The following DENND1A variants were observed in gnomAD, a reference collection of about 807,000 sequenced individuals.
The protein encoded by DENND1A is DENN domain-containing protein 1A.
A neutral mutation model predicts 113.7 loss-of-function variants in DENND1A; 51 were observed. The ratio of observed to expected loss-of-function variants is 0.45; its 90% CI spans 0.36 to 0.57. The LOEUF is 0.57. Among genes scored for constraint, DENND1A ranks in the 20% least tolerant of loss-of-function variants. The pLI is 0.00. For missense variants in DENND1A, 1,258 were observed against 1,395.9 expected (o/e 0.90, Z 1.57); for synonymous variants, 565 against 570.8 (o/e 0.99, Z 0.14).
chr9:123,614,275 T>G (rs1332646910), intron 10 of DENND1A, among the ~76,000 whole-genome samples: 1 of 152,174 alleles, frequency 6.6e-6, no homozygotes, highest in Non-Finnish European at 1.5e-5. Context: ...ACTCAGTACT[T>G]AAGCTGAAAG....
intron 10 of DENND1A, among the ~76,000 whole-genome samples, chr9:123,615,227 A>G (rs1044879651): frequency 2.6e-5 from 4 of 152,248 alleles, no homozygotes; most frequent in African/African-American, 9.6e-5. Context: ...TCACCATAGC[A>G]GCATAAGGAG....
intron 8 of DENND1A, among the ~76,000 whole-genome samples, chr9:123,662,487 C>T (rs1222019904): frequency 1.3e-5 from 2 of 152,130 alleles, no homozygotes; most frequent in East Asian, 3.9e-4. Flanking sequence ...CGCTTGAGCC[C>T]AGGAGGTGGA....
Position 123,481,719 on chromosome 9 carries a change from T to C in DENND1A, c.994-23822A>G, listed in dbSNP as rs575643712. Among the ~76,000 whole-genome samples the C allele has an allele frequency of 5.7e-4, 87 of 152,318 alleles. 1 individual carries two copies. Among genetic ancestry groups the C allele is most frequent in the Non-Finnish European group, 9.4e-4 (64 of 68,022 alleles). ...TTGAGCTGAATTTGATTATGCTTCTTTATGCCTATTCAGAAAAGGGGTGTC... is the reference window on the plus strand; with the variant it reads ...TTGAGCTGAATTTGATTATGCTTCTCTATGCCTATTCAGAAAAGGGGTGTC... On this transcript the variant is annotated intron_variant, in intron 13 of 23. Coordinates refer to ENST00000394215, the MANE Select transcript of DENND1A (RefSeq NM_001352964.2).
chr9:123,704,940 A>G (rs2066099876), intron 5 of DENND1A, among the ~76,000 whole-genome samples: 1 of 152,154 alleles, frequency 6.6e-6, no homozygotes, highest in Non-Finnish European at 1.5e-5. Flanking sequence ...CATGAAAGAG[A>G]GTGAAAAAGC....
chr9:123,427,235 C>T (rs1217432171), intron 19 of DENND1A, among the ~76,000 whole-genome samples: 6 of 152,262 alleles, frequency 3.9e-5, no homozygotes, highest in Admixed American at 6.5e-5. Flanking sequence ...CGTTGAACCA[C>T]TCACCACGAG....
intron 5 of DENND1A, among the ~76,000 whole-genome samples, chr9:123,680,907 C>G (rs892821609): frequency 6.6e-6 from 1 of 152,124 alleles, no homozygotes; most frequent in African/African-American, 2.4e-5. Flanking sequence ...AAGGCAGCAA[C>G]CACCTGGGAG....
At chr9:123,470,363 A>AAC (rs2049301572) in intron 13 of DENND1A, among the ~76,000 whole-genome samples, 1 of 2,656 alleles carries the variant, frequency 3.8e-4, no homozygotes, top group Non-Finnish European at 1.3e-3. Flanking sequence ...CCACGTGGCC[A>AAC]GCGCCAGGGG....
chr9:123,864,866 C>A (rs911682867), intron 2 of DENND1A, among the ~76,000 whole-genome samples: 5 of 151,994 alleles, frequency 3.3e-5, no homozygotes, highest in African/African-American at 1.2e-4. Context: ...TTTATTGGTC[C>A]AACAAATACA....
intron 1 of DENND1A, among the ~76,000 whole-genome samples, chr9:123,921,878 T>C (rs1443024756): frequency 1.3e-5 from 2 of 152,140 alleles, no homozygotes; most frequent in East Asian, 3.8e-4. Flanking sequence ...TCACCAAGTC[T>C]TGTCATTTCT....
At chr9:123,792,437 C>A (rs1030377474) in intron 3 of DENND1A, 150 bp downstream of exon 3, 2 of 749,156 alleles carry the variant, frequency 2.7e-6, no homozygotes, top group East Asian at 2.8e-5. Context: ...TACTTCAATA[C>A]GTTTTACTTT....
intron 13 of DENND1A, among the ~76,000 whole-genome samples, chr9:123,509,798 A>G (rs934871775): frequency 6.6e-6 from 1 of 152,084 alleles, no homozygotes; most frequent in Non-Finnish European, 1.5e-5. Context: ...AATCCTGAAC[A>G]CTTCTTTCCC....
chr9:123,709,709 C>T (rs1000474890), intron 5 of DENND1A, among the ~76,000 whole-genome samples: 1 of 152,206 alleles, frequency 6.6e-6, no homozygotes, highest in Non-Finnish European at 1.5e-5. Flanking sequence ...TTGTAAACTG[C>T]ACTGCTGATG....
At chr9:123,594,724 T>C (rs1388874113) in intron 11 of DENND1A, among the ~76,000 whole-genome samples, 1 of 152,102 alleles carries the variant, frequency 6.6e-6, no homozygotes, top group Non-Finnish European at 1.5e-5. Context: ...ACTGGATGCA[T>C]CAGAGAAAGG....
In DENND1A at chr9:123,668,115, G is replaced by A. The variant is rs748614491; in HGVS notation, c.454-1036C>T. Among the ~76,000 whole-genome samples, 21 of 152,142 alleles carry A rather than the reference G, an allele frequency of 1.4e-4. 1 individual carries two copies. The highest frequency in any genetic ancestry group is 1.9e-4 in the Non-Finnish European group (13 of 68,038). ...TCAGAAGACAATGGCAAGCAGGAAC[G>A]GAAAGAGCTTGGTGCCGGCCAATTA... On this transcript the variant is annotated intron_variant, in intron 7 of 23. Coordinates refer to ENST00000394215, the MANE Select transcript of DENND1A (RefSeq NM_001352964.2).
At chr9:123,593,254 T>C (rs1471978471) in intron 11 of DENND1A, among the ~76,000 whole-genome samples, 1 of 152,230 alleles carries the variant, frequency 6.6e-6, no homozygotes, top group East Asian at 1.9e-4. Flanking sequence ...GGGTAAATGA[T>C]TTAATCCTAG....
intron 13 of DENND1A, among the ~76,000 whole-genome samples, chr9:123,517,875 T>C (rs2054071657): frequency 6.6e-6 from 1 of 152,230 alleles, no homozygotes; most frequent in South Asian, 2.1e-4. Flanking sequence ...AGTAGCAAAA[T>C]TGAATGCGGA....
chr9:123,633,064 T>C (rs1041313957), intron 9 of DENND1A, among the ~76,000 whole-genome samples: 1 of 152,156 alleles, frequency 6.6e-6, no homozygotes, highest in African/African-American at 2.4e-5. Flanking sequence ...TGTGCCACCA[T>C]GCCCGGCTAA....
At chr9:123,459,662 C>G (rs2048385892) in intron 13 of DENND1A, among the ~76,000 whole-genome samples, 1 of 152,156 alleles carries the variant, frequency 6.6e-6, no homozygotes, top group Admixed American at 6.6e-5. Flanking sequence ...TCTGAAAGAT[C>G]AGACTTTCAG....
intron 11 of DENND1A, among the ~76,000 whole-genome samples, chr9:123,605,700 G>A (rs945610268): frequency 6.6e-6 from 1 of 152,202 alleles, no homozygotes; most frequent in Non-Finnish European, 1.5e-5. Context: ...ATGGCATCCT[G>A]TAAGAGCATG....
Sources: allele counts gnomAD v4.1 joint callset (sites outside exome capture counted in the v4.1 genomes callset), GRCh38; gene constraint gnomAD v4.1.1; transcripts MANE v1.5; gene names NCBI Gene and HGNC (gene_info 2026-07-23, HGNC 2026-07-21).